Variants in RPRD1A observed in about 807,000 individuals in gnomAD.
RPRD1A encodes regulation of nuclear pre-mRNA domain containing 1A, also known as regulation of nuclear pre-mRNA domain-containing protein 1A.
In RPRD1A, 9 loss-of-function variants were observed where a neutral mutation model predicts 37.8. The ratio of observed to expected loss-of-function variants is 0.24; its 90% CI spans 0.14 to 0.42. The LOEUF (loss-of-function observed/expected upper bound fraction) is 0.42, where lower values mean the gene tolerates loss of function less well. Ranked by LOEUF, RPRD1A falls within the 10% of genes least tolerant of loss-of-function variation. The pLI is 1.00. For synonymous variants in RPRD1A, 138 were observed against 139.7 expected (o/e 0.99, Z 0.08); for missense variants, 255 against 371.0 (o/e 0.69, Z 2.57).
intron 6 of RPRD1A, among the ~76,000 whole-genome samples, chr18:36,006,356 A>T (rs1199435540): frequency 3.3e-5 from 5 of 152,040 alleles, no homozygotes; most frequent in African/African-American, 1.2e-4. Flanking sequence ...TTTTCAAAAA[A>T]TATTATGTAG....
intron 1 of RPRD1A, among the ~76,000 whole-genome samples, chr18:36,066,750 A>G (rs1333643556): frequency 6.6e-6 from 1 of 152,228 alleles, no homozygotes; most frequent in Non-Finnish European, 1.5e-5. Context: ...GACCCTCTAA[A>G]ATCTACAAAT....
chr18:36,039,484 C>T (rs1053771325), intron 1 of RPRD1A, among the ~76,000 whole-genome samples: 3 of 152,122 alleles, frequency 2.0e-5, no homozygotes, highest in South Asian at 4.1e-4. Flanking sequence ...AATCAGAGTC[C>T]AGACTATTAA....
intron 6 of RPRD1A, among the ~76,000 whole-genome samples, chr18:35,998,547 A>G (rs1164581834): frequency 6.6e-6 from 1 of 152,036 alleles, no homozygotes; most frequent in Non-Finnish European, 1.5e-5. Flanking sequence ...TTTACTTGCC[A>G]CAAGTATCAC....
intron 1 of RPRD1A, among the ~76,000 whole-genome samples, chr18:36,056,250 G>C (rs1182597263): frequency 1.3e-5 from 2 of 151,852 alleles, no homozygotes; most frequent in Non-Finnish European, 2.9e-5. Flanking sequence ...AATAGGAATG[G>C]AAAGAACCCA....
intron 6 of RPRD1A, among the ~76,000 whole-genome samples, chr18:36,001,461 A>G (rs2144160313): frequency 6.6e-6 from 1 of 152,340 alleles, no homozygotes; most frequent in Non-Finnish European, 1.5e-5. Context: ...CACTTAGTAC[A>G]TATATTATCC....
At chr18:36,052,480 A>G (rs1349380966) in intron 1 of RPRD1A, among the ~76,000 whole-genome samples, 1 of 152,216 alleles carries the variant, frequency 6.6e-6, no homozygotes, top group Non-Finnish European at 1.5e-5. Context: ...TGCATAAAAC[A>G]TGTTTATCAA....
intron 1 of RPRD1A, among the ~76,000 whole-genome samples, chr18:36,057,615 A>AAAAT (rs1011351950): frequency 1.3e-5 from 2 of 152,140 alleles, no homozygotes; most frequent in African/African-American, 2.4e-5. Flanking sequence ...CTGTCTCAAA[A>AAAAT]AAATAAATAA....
intron 4 of RPRD1A, 86 bp downstream of exon 4, chr18:36,030,722 T>C: frequency 1.3e-6 from 1 of 766,798 alleles, no homozygotes. Flanking sequence ...TAGAAATCAA[T>C]TTACAGAAGT....
intron 1 of RPRD1A, among the ~76,000 whole-genome samples, chr18:36,063,398 G>A (rs1468177282): frequency 6.6e-6 from 1 of 152,116 alleles, no homozygotes; most frequent in Non-Finnish European, 1.5e-5. Flanking sequence ...GAACACCTGA[G>A]CTCTGGCAAT....
chr18:35,995,564 G>A lies in RPRD1A; in HGVS notation c.790-2264C>T, dbSNP rs374740769. On this transcript the variant is annotated intron_variant, in intron 6 of 6. Coordinates refer to ENST00000399022, the MANE Select transcript of RPRD1A (RefSeq NM_018170.5). The stretch of plus-strand genomic sequence containing the variant: ...ATTACAGGCATGAGCCACTGTGCCC[G>A]GCCTTGTCTCCAAGTTCTTATAAAA... Among the ~76,000 whole-genome samples the A allele has an allele frequency of 9.8e-4, 149 of 152,112 alleles. 1 individual carries two copies. The highest frequency in any genetic ancestry group is 3.4e-3 in the African/African-American group (139 of 41,492).
chr18:36,037,396 A>G (rs773183985), intron 1 of RPRD1A, among the ~76,000 whole-genome samples: 6 of 152,198 alleles, frequency 3.9e-5, no homozygotes, highest in Admixed American at 6.5e-5. Context: ...TCCTGCCACC[A>G]TGTGAATAAG....
intron 6 of RPRD1A, chr18:36,025,554 A>G: frequency 1.1e-6 from 1 of 940,170 alleles, no homozygotes; most frequent in Non-Finnish European, 1.5e-6. Flanking sequence ...GAATAAAGTT[A>G]CAGTCTTCTC....
In RPRD1A at chr18:36,004,177, TAA is replaced by T. The variant is rs1361200050; in HGVS notation, c.790-10879_790-10878del. 7.2e-5 allele frequency among the ~76,000 whole-genome samples: 11 copies of T among 151,894 alleles called. No homozygotes were observed. The East Asian group carries it at 2.1e-3, about 30-fold the overall frequency. ...TCTTACTTCAAAAGCTAGGAGGGGT[TAA>T]ATACATTTATATGATATTGTTACCA... On this transcript the variant is annotated intron_variant, in intron 6 of 6. Coordinates refer to ENST00000399022, the MANE Select transcript of RPRD1A (RefSeq NM_018170.5).
At position 35,999,852 on chromosome 18, in the gene RPRD1A, T is replaced by G. The variant is rs193208841; in HGVS notation, c.790-6552A>C. ...TCATTTATCTGTAGTATAATGTCCTTTGCCTCTTTTAAGAAGTTAACATAC... is the reference window on the plus strand; with the variant it reads ...TCATTTATCTGTAGTATAATGTCCTGTGCCTCTTTTAAGAAGTTAACATAC... On this transcript the variant is annotated intron_variant, in intron 6 of 6. Transcript: ENST00000399022. Among the ~76,000 whole-genome samples, 38 of 152,330 alleles carry G rather than the reference T, an allele frequency of 2.5e-4. No individual in the cohort carries two copies. The East Asian group carries it at 7.1e-3, about 29-fold the overall frequency.
chr18:36,043,136 T>TAC (rs200731062), intron 1 of RPRD1A, among the ~76,000 whole-genome samples: 2,472 of 118,062 alleles, frequency 0.021, 31 homozygotes, highest in Non-Finnish European at 0.029. Flanking sequence ...AGTATTAAGT[T>TAC]ACACACACAC....
chr18:36,019,339 C>G (rs921056032), intron 6 of RPRD1A, among the ~76,000 whole-genome samples: 54 of 151,968 alleles, frequency 3.6e-4, no homozygotes, highest in African/African-American at 1.3e-3. Context: ...GATCTCCTGA[C>G]CTCGTCATCC....
At chr18:36,050,253 A>T (rs1379974713) in intron 1 of RPRD1A, among the ~76,000 whole-genome samples, 2 of 152,016 alleles carry the variant, frequency 1.3e-5, no homozygotes, top group African/African-American at 2.4e-5. Context: ...TTATAAAAAA[A>T]AAAAAACAGG....
intron 6 of RPRD1A, among the ~76,000 whole-genome samples, chr18:35,996,705 C>T (rs1909084587): frequency 1.3e-5 from 2 of 152,096 alleles, no homozygotes; most frequent in African/African-American, 4.8e-5. Context: ...TGGCCAGGCA[C>T]AGTGGATCAC....
chr18:36,066,837 A>G (rs777374248), intron 1 of RPRD1A, among the ~76,000 whole-genome samples: 1 of 152,156 alleles, frequency 6.6e-6, no homozygotes, highest in African/African-American at 2.4e-5. Flanking sequence ...TTTCACAAGA[A>G]TAAGTTGCTG....
Sources: gnomAD v4.1 joint callset for allele counts (sites outside exome capture counted in the v4.1 genomes callset) on GRCh38, gnomAD v4.1.1 for gene constraint, MANE v1.5 for transcripts, NCBI Gene and HGNC (gene_info 2026-07-23, HGNC 2026-07-21) for gene names.